Variants in ATP6V1H observed in about 807,000 individuals in gnomAD.
The protein encoded by ATP6V1H is ATPase H+ transporting V1 subunit H.
ATP6V1H carries 39 observed loss-of-function variants against 71.7 expected under a neutral mutation model. The observed-to-expected ratio is 0.54, with a 90% confidence interval of 0.42 to 0.71. The LOEUF is 0.71. Among genes scored for constraint, ATP6V1H ranks in the 30% least tolerant of loss-of-function variants. ATP6V1H has a pLI of 0.00. For synonymous variants in ATP6V1H, 192 were observed against 199.3 expected (o/e 0.96, Z 0.31); for missense variants, 509 against 594.9 (o/e 0.86, Z 1.50).
chr8:53,778,104 TGTGTA>T (rs1808957749), intron 9 of ATP6V1H, among the ~76,000 whole-genome samples: 1 of 152,166 alleles, frequency 6.6e-6, no homozygotes, highest in Admixed American at 6.5e-5. Flanking sequence ...ATAGAAAGGA[TGTGTA>T]TTGTGACTCC....
chr8:53,815,762 A>G (rs959739107), intron 5 of ATP6V1H, among the ~76,000 whole-genome samples: 1 of 152,224 alleles, frequency 6.6e-6, no homozygotes, highest in Non-Finnish European at 1.5e-5. Flanking sequence ...TACTGTTAGG[A>G]GGCCAAGGAT....
intron 11 of ATP6V1H, among the ~76,000 whole-genome samples, chr8:53,761,398 T>A (rs898527263): frequency 6.6e-6 from 1 of 151,016 alleles, no homozygotes; most frequent in African/African-American, 2.4e-5. Context: ...AAAATCACAG[T>A]GTCATACAAA....
At chr8:53,765,461 ACACACACACAC>A (rs1808424135) in intron 11 of ATP6V1H, among the ~76,000 whole-genome samples, 1 of 17,568 alleles carries the variant, frequency 5.7e-5, no homozygotes, top group African/African-American at 8.8e-5. Context: ...AACAACACAC[ACACACACACAC>A]ACACACACAC....
At chr8:53,837,994 C>A (rs540099715) in intron 2 of ATP6V1H, among the ~76,000 whole-genome samples, 21 of 152,214 alleles carry the variant, frequency 1.4e-4, no homozygotes, top group Non-Finnish European at 2.5e-4. Flanking sequence ...AATGAAGAAG[C>A]CTGGAGAGAG....
At chr8:53,781,010 T>C (rs963658985) in intron 9 of ATP6V1H, among the ~76,000 whole-genome samples, 5 of 152,242 alleles carry the variant, frequency 3.3e-5, no homozygotes, top group African/African-American at 1.2e-4. Context: ...TACGTGTGCA[T>C]GTGTCTTTAT....
At chr8:53,812,262 G>A (rs374309943) in intron 6 of ATP6V1H, among the ~76,000 whole-genome samples, 2 of 152,080 alleles carry the variant, frequency 1.3e-5, no homozygotes, top group Non-Finnish European at 2.9e-5. Flanking sequence ...AGAAGGACCC[G>A]CAAAGCAGAG....
chr8:53,832,871 T>C (rs1354361719), intron 3 of ATP6V1H, 113 bp downstream of exon 3: 1 of 641,830 alleles, frequency 1.6e-6, no homozygotes, highest in Non-Finnish European at 2.7e-6. Context: ...ATGCTCAATA[T>C]AACGTTCTTT....
At position 53,786,038 on chromosome 8, in the gene ATP6V1H, T is replaced by C. The variant is rs1363283054; in HGVS notation, c.870+9609A>G. On this transcript the variant is annotated intron_variant, in intron 9 of 13. Coordinates refer to ENST00000359530, the MANE Select transcript of ATP6V1H (RefSeq NM_015941.4). Reference sequence around the variant, plus strand: ...CATTCTCAGATCTCAAGCTGCGTGCTGGGAGAACCACTACTCTCTTCAAAG... The same window carrying C: ...CATTCTCAGATCTCAAGCTGCGTGCCGGGAGAACCACTACTCTCTTCAAAG... Among the ~76,000 whole-genome samples, 3 of 152,200 alleles carry C rather than the reference T, an allele frequency of 2.0e-5. No individual in the cohort carries two copies. In the East Asian group the frequency reaches 5.8e-4, roughly 29 times the overall value.
chr8:53,736,141 T>A (rs983470242), intron 13 of ATP6V1H, among the ~76,000 whole-genome samples: 1 of 152,348 alleles, frequency 6.6e-6, no homozygotes, highest in South Asian at 2.1e-4. Flanking sequence ...CTCAATCTTT[T>A]TCCCAGGTAA....
chr8:53,814,344 C>G (rs1810380517), intron 6 of ATP6V1H, among the ~76,000 whole-genome samples: 1 of 152,052 alleles, frequency 6.6e-6, no homozygotes, highest in Non-Finnish European at 1.5e-5. Context: ...CTCTTTGGAG[C>G]TGTGTGGGTC....
intron 9 of ATP6V1H, among the ~76,000 whole-genome samples, chr8:53,776,183 C>A (rs559055581): frequency 2.6e-5 from 4 of 152,336 alleles, no homozygotes; most frequent in African/African-American, 9.6e-5. Flanking sequence ...GGCCGGCCGG[C>A]TGCTCCGAGT....
chr8:53,716,996 TG>T (rs1351863483), intron 13 of ATP6V1H, among the ~76,000 whole-genome samples: 4 of 152,174 alleles, frequency 2.6e-5, no homozygotes, highest in African/African-American at 9.6e-5. Flanking sequence ...GGTATTCCCA[TG>T]GGGGCTCTAG....
chr8:53,742,474 C>CA (rs1483718457), intron 13 of ATP6V1H, among the ~76,000 whole-genome samples: 2 of 152,186 alleles, frequency 1.3e-5, no homozygotes, highest in Non-Finnish European at 2.9e-5. Context: ...TTATTGTCAA[C>CA]TTAGCTATGT....
chr8:53,746,979 G>A (rs1807622901), intron 12 of ATP6V1H, among the ~76,000 whole-genome samples: 1 of 152,204 alleles, frequency 6.6e-6, no homozygotes. Context: ...TCTGAAATAT[G>A]ATTAACAAGT....
chr8:53,781,664 A>G (rs1401107906), intron 9 of ATP6V1H, among the ~76,000 whole-genome samples: 14 of 151,918 alleles, frequency 9.2e-5, no homozygotes, highest in Non-Finnish European at 1.6e-4. Context: ...TAGGGTTTTT[A>G]TGGTTTTAGG....
intron 4 of ATP6V1H, among the ~76,000 whole-genome samples, chr8:53,824,381 T>C (rs1306914773): frequency 6.6e-6 from 1 of 152,174 alleles, no homozygotes; most frequent in Non-Finnish European, 1.5e-5. Context: ...ATCAAGCAAG[T>C]ATAATGCTGA....
At chr8:53,833,642 T>C (rs1811076205) in intron 2 of ATP6V1H, among the ~76,000 whole-genome samples, 1 of 151,982 alleles carries the variant, frequency 6.6e-6, no homozygotes, top group Admixed American at 6.5e-5. Context: ...CTCCATCTCT[T>C]CCAGGGGTCG....
At chr8:53,789,255 G>T (rs540073065) in intron 9 of ATP6V1H, among the ~76,000 whole-genome samples, 4 of 152,182 alleles carry the variant, frequency 2.6e-5, no homozygotes, top group African/African-American at 7.2e-5. Flanking sequence ...GAAAAACAAA[G>T]GAAGAGAGGA....
In ATP6V1H at chr8:53,715,619, A is replaced by G. The variant is rs571882930; in HGVS notation, c.*345T>C. 531 of 211,942 alleles carry G rather than the reference A, an allele frequency of 2.5e-3. No homozygotes were observed. The highest frequency in any genetic ancestry group is 3.7e-3 in the Non-Finnish European group (398 of 107,948). The allele number at this position is 211,942 out of a possible 1,614,324, so 13.1% of individuals were successfully genotyped here. On this transcript the variant is annotated 3_prime_UTR_variant, in exon 14 of 14. Transcript: ENST00000359530. ...ACAATTCTCCCAATTTGGTTTGAAAAGAGACAACAGTTGACTTTTGTTCAA... is the reference window on the plus strand; with the variant it reads ...ACAATTCTCCCAATTTGGTTTGAAAGGAGACAACAGTTGACTTTTGTTCAA...
Sources: gnomAD v4.1 joint callset for allele counts (sites outside exome capture counted in the v4.1 genomes callset) on GRCh38, gnomAD v4.1.1 for gene constraint, MANE v1.5 for transcripts, NCBI Gene and HGNC (gene_info 2026-07-23, HGNC 2026-07-21) for gene names.